The following ACER1 variants were observed in gnomAD, a reference collection of about 807,000 sequenced individuals.
The protein encoded by ACER1 is CTB-180A7.3.
Under a neutral mutation model 24.9 loss-of-function variants are expected in ACER1, and 28 were observed. That is an observed-to-expected ratio of 1.13 (90% CI 0.83 to 1.54). The LOEUF (loss-of-function observed/expected upper bound fraction) is 1.54. Ranked by LOEUF, ACER1 falls within the 40% of genes most tolerant of loss-of-function variation. The pLI is 0.00. For missense variants in ACER1, 352 were observed against 349.3 expected, an observed-to-expected ratio of 1.01 and a Z score of -0.06; for synonymous variants, 132 against 131.4, an observed-to-expected ratio of 1.00 and a Z score of -0.03.
At chr19:6,327,489 C>T (rs953404643) in intron 1 of ACER1, among the ~76,000 whole-genome samples, 6 of 151,698 alleles carry the variant, frequency 4.0e-5, no homozygotes, top group Non-Finnish European at 5.9e-5. Context: ...GGTGTGAACC[C>T]GGGAGGCGGA....
chr19:6,317,439 C>T (rs753528315), intron 1 of ACER1, among the ~76,000 whole-genome samples: 4 of 152,244 alleles, frequency 2.6e-5, no homozygotes, highest in African/African-American at 4.8e-5. Flanking sequence ...AGGGGCCATG[C>T]CAACGCCTCC....
intron 1 of ACER1, among the ~76,000 whole-genome samples, chr19:6,331,368 C>T (rs1047520451): frequency 2.0e-5 from 3 of 147,858 alleles, no homozygotes; most frequent in Middle Eastern, 3.5e-3. Context: ...CCAGGATGGT[C>T]TTGACCTCTT....
chr19:6,337,957 G>A (rs1350727976), upstream of ACER1, among the ~76,000 whole-genome samples: 2 of 151,262 alleles, frequency 1.3e-5, no homozygotes, highest in Admixed American at 6.6e-5. Flanking sequence ...GACTACAGGC[G>A]TGAGCCACCG....
chr19:6,346,968 A>G, the ACER1 span, among the ~76,000 whole-genome samples: 3 of 151,358 alleles, frequency 2.0e-5, no homozygotes, highest in Non-Finnish European at 4.4e-5. Context: ...TTCTCTAAAA[A>G]GATGTGTTGC....
intron 1 of ACER1, among the ~76,000 whole-genome samples, chr19:6,319,781 C>T (rs367589420): frequency 2.0e-3 from 303 of 152,004 alleles, no homozygotes; most frequent in African/African-American, 6.9e-3. Flanking sequence ...ACACAGTAGG[C>T]GCCTAATACA....
At chr19:6,354,531 T>G in the ACER1 span, among the ~76,000 whole-genome samples, 1 of 152,194 alleles carries the variant, frequency 6.6e-6, no homozygotes, top group Non-Finnish European at 1.5e-5. Flanking sequence ...TCAAAGGACA[T>G]TGCTCAAATA....
the ACER1 span, among the ~76,000 whole-genome samples, chr19:6,354,027 C>A: frequency 4.6e-5 from 7 of 150,892 alleles, no homozygotes; most frequent in Non-Finnish European, 8.9e-5. Context: ...ACTAAAAATA[C>A]AAAAATTAGC....
chr19:6,306,636 G>T lies in ACER1; in HGVS notation c.*78C>A, dbSNP rs1359185209. 2.0e-6 allele frequency: 3 copies of T among 1,505,110 alleles called. No homozygotes were observed. The African/African-American group carries it at 4.1e-5, about 21-fold the overall frequency. 93.2% of individuals were successfully genotyped at this position (1,505,110 alleles called of 1,614,324 possible). ...AAGGAACCACGAGTGTCCCGCAGGTGCAAGTCCTGACCGGGGCTATCTTCT... is the reference window on the plus strand; with the variant it reads ...AAGGAACCACGAGTGTCCCGCAGGTTCAAGTCCTGACCGGGGCTATCTTCT... On this transcript the variant is annotated 3_prime_UTR_variant, in exon 6 of 6. Transcript: ENST00000301452.
the ACER1 span, among the ~76,000 whole-genome samples, chr19:6,358,933 C>CAAAA: frequency 6.6e-5 from 5 of 75,398 alleles, no homozygotes; most frequent in African/African-American, 2.9e-4. Context: ...AACTCTGTCT[C>CAAAA]AAAAAAAAAA....
intron 1 of ACER1, among the ~76,000 whole-genome samples, chr19:6,314,918 G>A (rs1301140679): frequency 1.3e-5 from 2 of 149,038 alleles, no homozygotes; most frequent in Non-Finnish European, 1.5e-5. Flanking sequence ...TTGAGATGGA[G>A]TATTGCTCTG....
chr19:6,357,832 T>A, the ACER1 span, among the ~76,000 whole-genome samples: 1 of 151,770 alleles, frequency 6.6e-6, no homozygotes, highest in African/African-American at 2.4e-5. Context: ...AGACAGTAGG[T>A]CACAGTGACG....
chr19:6,316,052 T>C (rs1415978821), intron 1 of ACER1, among the ~76,000 whole-genome samples: 2 of 152,004 alleles, frequency 1.3e-5, no homozygotes, highest in Admixed American at 1.3e-4. Context: ...CACTTGAATC[T>C]GGGAGACAGA....
chr19:6,336,101 A>T (rs913611276), upstream of ACER1, among the ~76,000 whole-genome samples: 1 of 151,756 alleles, frequency 6.6e-6, no homozygotes, highest in Non-Finnish European at 1.5e-5. Flanking sequence ...GGGTTTCACC[A>T]TGTTGGCCAG....
the ACER1 span, among the ~76,000 whole-genome samples, chr19:6,358,354 A>C: frequency 6.6e-6 from 1 of 151,720 alleles, no homozygotes; most frequent in Admixed American, 6.6e-5. Flanking sequence ...TGTCACCTTC[A>C]ACTCCCTCCC....
the ACER1 span, among the ~76,000 whole-genome samples, chr19:6,355,765 C>A: frequency 5.0e-5 from 7 of 141,210 alleles, no homozygotes; most frequent in East Asian, 2.1e-4. Flanking sequence ...GTCAGCCCCC[C>A]ACCCGGCCAG....
upstream of ACER1, among the ~76,000 whole-genome samples, chr19:6,335,830 A>T (rs2091712147): frequency 1.4e-5 from 2 of 147,490 alleles, no homozygotes; most frequent in African/African-American, 5.0e-5. Flanking sequence ...GACTCTGTCT[A>T]AAAAAAAAAG....
chr19:6,355,480 C>T, the ACER1 span, among the ~76,000 whole-genome samples: 1 of 150,150 alleles, frequency 6.7e-6, no homozygotes, highest in East Asian at 2.0e-4. Context: ...GCAACCGCCC[C>T]ATATGAGAAG....
At chr19:6,348,790 G>T in the ACER1 span, among the ~76,000 whole-genome samples, 2 of 152,040 alleles carry the variant, frequency 1.3e-5, no homozygotes, top group Admixed American at 1.3e-4. Context: ...GGGCATGGTG[G>T]CTCAAGCCTG....
chr19:6,358,070 T>C, the ACER1 span, among the ~76,000 whole-genome samples: 8,825 of 152,128 alleles, frequency 0.058, 370 homozygotes, highest in African/African-American at 0.12. Flanking sequence ...GTGGCAGCTG[T>C]TGTCCTGGCC....
Sources: gnomAD v4.1 joint callset for allele counts (sites outside exome capture counted in the v4.1 genomes callset) on GRCh38, gnomAD v4.1.1 for gene constraint, MANE v1.5 for transcripts, NCBI Gene and HGNC (gene_info 2026-07-23, HGNC 2026-07-21) for gene names.